The following PKHD1 variants were observed in gnomAD, a reference collection of about 807,000 sequenced individuals.
The protein encoded by PKHD1 is fibrocystin.
PKHD1 carries 291 observed loss-of-function variants against 412.0 expected under a neutral mutation model. The observed-to-expected ratio is 0.71, with a 90% CI of 0.64 to 0.78. The LOEUF is 0.78. PKHD1 is among the 30% of genes least tolerant of loss of function. The pLI is 0.00. For synonymous variants in PKHD1, 1,777 were observed against 1,821.5 expected (o/e 0.98, Z 0.62); for missense variants, 4,825 against 4,950.7 (o/e 0.97, Z 0.76).
At chr6:51,715,246 A>C (rs554353809) in intron 60 of PKHD1, among the ~76,000 whole-genome samples, 5 of 152,106 alleles carry the variant, frequency 3.3e-5, no homozygotes, top group African/African-American at 1.2e-4. Flanking sequence ...GAGGAAATGG[A>C]CTCAGGGAGC....
chr6:51,993,274 T>C (rs566943218), intron 35 of PKHD1, among the ~76,000 whole-genome samples: 1 of 152,208 alleles, frequency 6.6e-6, no homozygotes, highest in Non-Finnish European at 1.5e-5. Flanking sequence ...TGGCCAGAGC[T>C]CCCAGGAGCC....
chr6:51,777,300 A>T (rs549765995), intron 53 of PKHD1, among the ~76,000 whole-genome samples: 1 of 152,140 alleles, frequency 6.6e-6, no homozygotes, highest in Non-Finnish European at 1.5e-5. Context: ...AGCTTGCTAC[A>T]TACCTATTTT....
chr6:51,881,075 C>CTTTTT (rs371470393), intron 46 of PKHD1, among the ~76,000 whole-genome samples: 63 of 134,018 alleles, frequency 4.7e-4, no homozygotes, highest in East Asian at 1.9e-3. Flanking sequence ...CTTTTTCTTT[C>CTTTTT]TTTTTTTTTT....
At chr6:51,643,819 T>C (rs1446603296) in intron 63 of PKHD1, among the ~76,000 whole-genome samples, 1 of 152,108 alleles carries the variant, frequency 6.6e-6, no homozygotes, top group African/African-American at 2.4e-5. Context: ...ATGCATTAGC[T>C]ATTCATCCTG....
intron 52 of PKHD1, among the ~76,000 whole-genome samples, chr6:51,824,055 A>G (rs1766919107): frequency 2.0e-5 from 3 of 152,186 alleles, no homozygotes; most frequent in Admixed American, 2.0e-4. Flanking sequence ...AAAACATCAT[A>G]TAAGTTTGGG....
At chr6:52,010,713 T>A (rs1799698079) in intron 34 of PKHD1, among the ~76,000 whole-genome samples, 1 of 152,204 alleles carries the variant, frequency 6.6e-6, no homozygotes, top group Non-Finnish European at 1.5e-5. Flanking sequence ...TCCGAATCTA[T>A]TAAAAACATT....
intron 46 of PKHD1, among the ~76,000 whole-genome samples, chr6:51,874,746 T>G (rs915104549): frequency 4.0e-5 from 6 of 148,596 alleles, no homozygotes; most frequent in Non-Finnish European, 7.4e-5. Flanking sequence ...GGCTAACATG[T>G]TGAAACTCCG....
At chr6:51,864,102 T>C (rs191321723) in intron 48 of PKHD1, among the ~76,000 whole-genome samples, 10 of 152,258 alleles carry the variant, frequency 6.6e-5, no homozygotes, top group Admixed American at 6.5e-4. Context: ...AAACGACCTC[T>C]ATGCTGAGTT....
chr6:51,698,871 A>T (rs985911161), intron 60 of PKHD1, among the ~76,000 whole-genome samples: 1 of 152,230 alleles, frequency 6.6e-6, no homozygotes, highest in Non-Finnish European at 1.5e-5. Context: ...TTGAATAATT[A>T]TAGGCAAATA....
chr6:51,982,191 G>A (rs1484343103), intron 35 of PKHD1, among the ~76,000 whole-genome samples: 20 of 41,914 alleles, frequency 4.8e-4, no homozygotes, highest in East Asian at 1.7e-3. Context: ...GAGGTGGGGG[G>A]GTCAGCCCCC....
At chr6:51,746,636 A>T (rs1326561491) in intron 59 of PKHD1, 85 bp downstream of exon 59, 4 of 856,514 alleles carry the variant, frequency 4.7e-6, no homozygotes, top group Non-Finnish European at 8.0e-6. Flanking sequence ...TGATGATTTT[A>T]TTCCTTTCAA....
intron 66 of PKHD1, 39 bp downstream of exon 66, chr6:51,626,958 G>T: frequency 1.2e-6 from 2 of 1,607,040 alleles, no homozygotes; most frequent in African/African-American, 1.3e-5. Context: ...TCCACAGTGG[G>T]TCTCTCCTGT....
chr6:51,670,912 G>C (rs1437066213), intron 60 of PKHD1, among the ~76,000 whole-genome samples: 38 of 151,978 alleles, frequency 2.5e-4, no homozygotes, highest in Middle Eastern at 3.2e-3. Context: ...TCTGCCGAGA[G>C]ATCTGCTGGT....
chr6:51,868,078 C>T lies in PKHD1; in HGVS notation c.7518G>A (p.Lys2506=). The change falls in exon 48 of 67, where the codon AAG becomes AAA. Residue 2506 remains lysine (K), a synonymous_variant. Coordinates refer to ENST00000371117, the MANE Select transcript of PKHD1 (RefSeq NM_138694.4). The part of the protein sequence containing the change: ...GGFTVKTSQL[K]FTNSSNLVAF... ...CCACTAAGTTTGAAGAGTTTGTAAA[C>T]TTCAACTGGCTGGTCTTCACAGTAA... is the stretch of plus-strand genomic sequence containing the variant. 6.2e-7 allele frequency: 1 copy of T among 1,612,194 alleles called. No individual in the cohort carries two copies.
At chr6:51,921,820 C>G (rs761274806) in intron 37 of PKHD1, among the ~76,000 whole-genome samples, 1 of 152,100 alleles carries the variant, frequency 6.6e-6, no homozygotes, top group Non-Finnish European at 1.5e-5. Flanking sequence ...TTCTAGTTAG[C>G]CATTCATCTA....
At chr6:51,714,500 C>A (rs1307213934) in intron 60 of PKHD1, among the ~76,000 whole-genome samples, 1 of 152,202 alleles carries the variant, frequency 6.6e-6, no homozygotes, top group African/African-American at 2.4e-5. Flanking sequence ...TAAGTTTTAA[C>A]CACTTCCTTT....
chr6:51,979,589 A>G (rs1794887540), intron 35 of PKHD1, among the ~76,000 whole-genome samples: 1 of 151,608 alleles, frequency 6.6e-6, no homozygotes, highest in African/African-American at 2.4e-5. Context: ...TCACCCACAC[A>G]TACAGTCACC....
chr6:51,697,378 G>T (rs1010462494), intron 60 of PKHD1, among the ~76,000 whole-genome samples: 1 of 152,154 alleles, frequency 6.6e-6, no homozygotes, highest in African/African-American at 2.4e-5. Flanking sequence ...GAGGTCTCTT[G>T]TGAAAATCCC....
intron 36 of PKHD1, among the ~76,000 whole-genome samples, chr6:51,936,943 T>C (rs1787592187): frequency 6.6e-6 from 1 of 152,214 alleles, no homozygotes; most frequent in African/African-American, 2.4e-5. Context: ...CTACATTCTG[T>C]AGAAAATTCC....
Sources: gnomAD v4.1 joint callset for allele counts (sites outside exome capture counted in the v4.1 genomes callset) on GRCh38, gnomAD v4.1.1 for gene constraint, MANE v1.5 for transcripts, NCBI Gene and HGNC (gene_info 2026-07-23, HGNC 2026-07-21) for gene names.